The following USP22 variants were observed in gnomAD, a reference collection of about 807,000 sequenced individuals.
The protein encoded by USP22 is ubiquitin specific peptidase 22.
In USP22, 22 loss-of-function variants were observed where a neutral mutation model predicts 68.1. The observed-to-expected ratio is 0.32, with a 90% confidence interval of 0.23 to 0.46. The LOEUF is 0.46. USP22 is among the 20% of genes least tolerant of loss of function. The pLI is 1.00. For missense variants in USP22, 433 were observed against 695.8 expected (o/e 0.62, Z 4.25); for synonymous variants, 279 against 274.2 (o/e 1.02, Z -0.17).
chr17:21,023,789 C>A lies in USP22; in HGVS notation c.305-2563G>T, dbSNP rs573148629. ...CTCACTATGCCACCTGCCAGCTGTG[C>A]ACCTTTCATCAATTACTCCACACCT... is the stretch of plus-strand genomic sequence containing the variant. On this transcript the variant is annotated intron_variant, in intron 2 of 12. Transcript: ENST00000261497. Among the ~76,000 whole-genome samples the A allele has an allele frequency of 2.6e-5, 4 of 152,250 alleles. No homozygotes were observed. The East Asian group carries it at 7.7e-4, about 29-fold the overall frequency.
intron 9 of USP22, 46 bp downstream of exon 9, chr17:21,007,824 C>A: frequency 6.2e-7 from 1 of 1,613,444 alleles, no homozygotes; most frequent in Non-Finnish European, 8.5e-7. Flanking sequence ...GTACTGTGGA[C>A]TAAAAACTAA....
intron 2 of USP22, among the ~76,000 whole-genome samples, chr17:21,026,017 T>G (rs931865358): frequency 6.6e-6 from 1 of 152,202 alleles, no homozygotes; most frequent in East Asian, 1.9e-4. Context: ...CCCAGCACTT[T>G]GGGAGGCCGA....
In USP22 at chr17:21,011,557, C is replaced by G. The variant is rs539528910; in HGVS notation, c.945-248G>C. 3 of 469,796 alleles carry G rather than the reference C, an allele frequency of 6.4e-6. No homozygotes were observed. The South Asian group carries it at 6.4e-5, about 10-fold the overall frequency. The allele number at this position is 469,796 out of a possible 1,614,324, so 29.1% of individuals were successfully genotyped here. A position where few individuals can be genotyped will look rare whatever the true frequency, so the allele number is the denominator to read the frequency against. On this transcript the variant is annotated intron_variant, in intron 7 of 12. Transcript: ENST00000261497. ...GGGGCGCTCCTCAAGCAAGGACTTC[C>G]CAGTCTGGAGACCATCACAGTCACT...
At chr17:21,013,731 G>A (rs1165065969) in intron 6 of USP22, among the ~76,000 whole-genome samples, 1 of 152,148 alleles carries the variant, frequency 6.6e-6, no homozygotes, top group Non-Finnish European at 1.5e-5. Context: ...TCAAATTCAT[G>A]GGACAAAATT....
At chr17:21,040,431 C>G (rs551272363) in intron 1 of USP22, among the ~76,000 whole-genome samples, 4 of 152,208 alleles carry the variant, frequency 2.6e-5, no homozygotes, top group African/African-American at 7.2e-5. Flanking sequence ...CTTGCTGGCA[C>G]ACTGCCAACT....
chr17:21,028,507 C>T (rs747825892), intron 2 of USP22, 35 bp downstream of exon 2: 2 of 1,606,052 alleles, frequency 1.2e-6, no homozygotes, highest in Non-Finnish European at 8.5e-7. Flanking sequence ...ATTTGGGGGC[C>T]ACAACTATCC....
chr17:21,010,231 T>A (rs1913912060), intron 8 of USP22, among the ~76,000 whole-genome samples: 2 of 152,246 alleles, frequency 1.3e-5, no homozygotes, highest in African/African-American at 4.8e-5. Context: ...CAAAGGCTCG[T>A]ACCTCTTCTA....
intron 1 of USP22, among the ~76,000 whole-genome samples, chr17:21,032,922 CAAAAAAAAAA>C (rs753804890): frequency 6.9e-4 from 63 of 91,572 alleles, no homozygotes; most frequent in African/African-American, 2.6e-3. Context: ...GACCCTGTCT[CAAAAAAAAAA>C]AAAAAAAAAA....
At chr17:21,019,949 C>T (rs1416725945) in intron 3 of USP22, among the ~76,000 whole-genome samples, 2 of 152,162 alleles carry the variant, frequency 1.3e-5, no homozygotes, top group African/African-American at 4.8e-5. Flanking sequence ...AAAAGAACAG[C>T]GAACACAAGT....
At chr17:21,020,773 C>T (rs772399350) in intron 3 of USP22, among the ~76,000 whole-genome samples, 8 of 152,200 alleles carry the variant, frequency 5.3e-5, no homozygotes, top group Non-Finnish European at 7.4e-5. Flanking sequence ...TCGCCACACT[C>T]GTTCAGCCCC....
At chr17:21,005,072 T>C (rs970993463) in intron 10 of USP22, 82 bp from the exon 11 acceptor site, 3 of 1,504,356 alleles carry the variant, frequency 2.0e-6, no homozygotes, top group Non-Finnish European at 2.8e-6. Context: ...CCAACACTTA[T>C]CCAAGCTTGA....
At chr17:21,025,133 A>T (rs1597697274) in intron 2 of USP22, among the ~76,000 whole-genome samples, 1 of 152,232 alleles carries the variant, frequency 6.6e-6, no homozygotes, top group East Asian at 1.9e-4. Context: ...ACACACCCCA[A>T]CACACGCACA....
At chr17:21,012,467 G>A (rs760738534) in intron 7 of USP22, among the ~76,000 whole-genome samples, 3 of 152,098 alleles carry the variant, frequency 2.0e-5, no homozygotes, top group African/African-American at 4.8e-5. Context: ...TTCGAAGCAC[G>A]TAGAAAAACA....
intron 6 of USP22, among the ~76,000 whole-genome samples, chr17:21,013,382 C>T (rs1340194057): frequency 6.6e-6 from 1 of 152,222 alleles, no homozygotes; most frequent in East Asian, 1.9e-4. Flanking sequence ...CCGCAGGACA[C>T]AGGCTGTCCT....
chr17:21,006,507 ATT>A (rs33994457), intron 10 of USP22: 11 of 139,106 alleles, frequency 7.9e-5, no homozygotes, highest in Non-Finnish European at 9.2e-5. Context: ...ATCGACAGTC[ATT>A]TTTTTTTTTT....
Position 21,002,760 on chromosome 17 carries a change from A to T in USP22, c.*271T>A. 1 of 421,670 alleles carries T rather than the reference A, an allele frequency of 2.4e-6. No homozygotes were observed. The highest frequency in any genetic ancestry group is 2.2e-5 in the South Asian group (1 of 46,158). The allele number at this position is 421,670 out of a possible 1,614,324, so 26.1% of individuals were successfully genotyped here. On this transcript the variant is annotated 3_prime_UTR_variant, in exon 13 of 13. Transcript: ENST00000261497. The stretch of plus-strand genomic sequence containing the variant: ...GCACCCCCATGTCATGACACAAGAG[A>T]TGTTCTGGTGACGGGTGTACGCTGC...
At chr17:21,008,797 A>G in intron 8 of USP22, among the ~76,000 whole-genome samples, 1 of 152,082 alleles carries the variant, frequency 6.6e-6, no homozygotes, top group Non-Finnish European at 1.5e-5. Flanking sequence ...TAATGTAGAG[A>G]GGTGAGAGGT....
chr17:21,036,613 G>A (rs1452954884), intron 1 of USP22, among the ~76,000 whole-genome samples: 3 of 151,412 alleles, frequency 2.0e-5, no homozygotes, highest in Non-Finnish European at 4.4e-5. Flanking sequence ...TAAGTAAGTA[G>A]ATTGTCGACA....
At chr17:21,042,560 G>C (rs993450588) in intron 1 of USP22, 105 bp downstream of exon 1, 3 of 1,136,936 alleles carry the variant, frequency 2.6e-6, no homozygotes, top group Middle Eastern at 3.0e-4. Context: ...GACAGGGAAA[G>C]GCAACGGGGG....
Sources: allele counts gnomAD v4.1 joint callset (sites outside exome capture counted in the v4.1 genomes callset), GRCh38; gene constraint gnomAD v4.1.1; transcripts MANE v1.5; gene names NCBI Gene and HGNC (gene_info 2026-07-23, HGNC 2026-07-21).